Variants in SGCB observed in about 807,000 individuals in gnomAD.
SGCB encodes sarcoglycan beta.
SGCB carries 25 observed loss-of-function variants against 27.3 expected under a neutral mutation model. The observed-to-expected ratio is 0.92, with a 90% confidence interval of 0.67 to 1.28. The LOEUF is 1.28. Among genes scored for constraint, SGCB ranks in the 50% most tolerant of loss-of-function variants. The pLI is 0.00. For synonymous variants in SGCB, 147 were observed against 133.5 expected (o/e 1.10, Z -0.70); for missense variants, 436 against 402.1 (o/e 1.08, Z -0.72).
chr4:52,023,921 C>A lies in SGCB; in HGVS notation c.*36G>T. The A allele has an allele frequency of 6.4e-7, 1 of 1,561,500 alleles. No individual in the cohort carries two copies. The highest frequency in any genetic ancestry group is 1.1e-5 in the South Asian group (1 of 89,898). On this transcript the variant is annotated 3_prime_UTR_variant, in exon 6 of 6. Coordinates refer to ENST00000381431, the MANE Select transcript of SGCB (RefSeq NM_000232.5). ...ATTTGCATGCATAAAAAAGTCAAGT[C>A]AAGATATAAACATGTTGGTGACCTC...
intron 2 of SGCB, among the ~76,000 whole-genome samples, chr4:52,031,683 AT>A (rs1001308557): frequency 1.3e-5 from 2 of 150,808 alleles, no homozygotes; most frequent in African/African-American, 4.9e-5. Flanking sequence ...ATGAGTTTCT[AT>A]TTTTTCCATG....
intron 5 of SGCB, among the ~76,000 whole-genome samples, chr4:52,025,493 CTA>C (rs1578123902): frequency 6.6e-6 from 1 of 152,118 alleles, no homozygotes; most frequent in African/African-American, 2.4e-5. Flanking sequence ...CCAGGGACAG[CTA>C]TGAGGCCAGT....
chr4:52,028,646 C>T, intron 4 of SGCB, 84 bp downstream of exon 4: 1 of 1,053,670 alleles, frequency 9.5e-7, no homozygotes, highest in Non-Finnish European at 1.4e-6. Context: ...AAAAAAAAAA[C>T]AACAACAGTA....
chr4:52,026,754 T>C (rs959735407), intron 5 of SGCB, among the ~76,000 whole-genome samples: 1 of 152,206 alleles, frequency 6.6e-6, no homozygotes, highest in Non-Finnish European at 1.5e-5. Flanking sequence ...AGTATTTAAA[T>C]ATTTGTCATA....
intron 2 of SGCB, 79 bp downstream of exon 2, chr4:52,033,352 A>C: frequency 1.1e-6 from 1 of 902,284 alleles, no homozygotes; most frequent in South Asian, 1.4e-5. Flanking sequence ...AAAGGAGAAA[A>C]TAAAGTCTAT....
At chr4:52,033,668 C>CA in intron 1 of SGCB, 28 bp from the exon 2 acceptor site, 1 of 1,527,954 alleles carries the variant, frequency 6.5e-7, no homozygotes, top group Non-Finnish European at 9.1e-7. Context: ...CATAATGGAA[C>CA]AGCTATACCC....
intron 2 of SGCB, among the ~76,000 whole-genome samples, chr4:52,032,298 C>T (rs755358753): frequency 1.2e-4 from 19 of 152,268 alleles, no homozygotes; most frequent in African/African-American, 4.1e-4. Flanking sequence ...CTACAAGGTA[C>T]TTCCACCAAC....
chr4:52,031,330 G>GTCTA, intron 2 of SGCB, among the ~76,000 whole-genome samples: 1 of 147,510 alleles, frequency 6.8e-6, no homozygotes, highest in African/African-American at 2.6e-5. Flanking sequence ...AATGTCTTCT[G>GTCTA]TCTATCTACC....
chr4:52,037,926 C>A (rs961561580), intron 1 of SGCB, among the ~76,000 whole-genome samples: 2 of 152,168 alleles, frequency 1.3e-5, no homozygotes, highest in Admixed American at 6.5e-5. Context: ...CCAGCGCAGG[C>A]TTCCAGGCTG....
At chr4:52,028,623 G>GA in intron 4 of SGCB, 107 bp downstream of exon 4, 1 of 881,878 alleles carries the variant, frequency 1.1e-6, no homozygotes, top group Non-Finnish European at 1.8e-6. Context: ...GCGACAGAGC[G>GA]AAACTCCGTC....
Position 52,028,851 on chromosome 4 carries a change from C to T in SGCB, c.500G>A (p.Gly167Asp). The change falls in exon 4 of 6, where the codon GGC becomes GAC. Residue 167 changes from glycine (G) to aspartate (D), a missense_variant. Transcript: ENST00000381431. ...NNKTSITSDI[G>D]MQFFDPRTQN... Reference sequence around the variant, plus strand: ...AGTCCTCGGGTCAAAAAACTGCATGCCGATGTCACTTGTAATAGAAGTTTT... The same window carrying T: ...AGTCCTCGGGTCAAAAAACTGCATGTCGATGTCACTTGTAATAGAAGTTTT... 2 of 1,613,614 alleles carry T rather than the reference C, an allele frequency of 1.2e-6. No individual in the cohort carries two copies. The highest frequency in any genetic ancestry group is 1.7e-6 in the Non-Finnish European group (2 of 1,179,610).
At chr4:52,026,250 GTTTTTTTTTT>G (rs71193050) in intron 5 of SGCB, among the ~76,000 whole-genome samples, 3 of 101,646 alleles carry the variant, frequency 3.0e-5, no homozygotes, top group Non-Finnish European at 6.2e-5. Context: ...TTTGTTGTTG[GTTTTTTTTTT>G]TTTTTTTTTT....
intron 3 of SGCB, among the ~76,000 whole-genome samples, 158 bp downstream of exon 3, chr4:52,029,520 G>A (rs1560567591): frequency 6.6e-6 from 1 of 151,888 alleles, no homozygotes; most frequent in South Asian, 2.1e-4. Context: ...GTTTTAAACT[G>A]TATTCACTAT....
intron 1 of SGCB, among the ~76,000 whole-genome samples, chr4:52,035,948 G>A (rs986210656): frequency 2.6e-5 from 4 of 152,164 alleles, no homozygotes; most frequent in African/African-American, 9.7e-5. Flanking sequence ...TCATCTTGAT[G>A]CATTTAACAT....
At chr4:52,034,624 T>C (rs574404702) in intron 1 of SGCB, among the ~76,000 whole-genome samples, 78 of 152,088 alleles carry the variant, frequency 5.1e-4, no homozygotes, top group African/African-American at 1.7e-3. Flanking sequence ...CAATCCCCCA[T>C]AGATATTGAG....
chr4:52,036,250 AG>A (rs1384544321), intron 1 of SGCB, among the ~76,000 whole-genome samples: 1 of 152,222 alleles, frequency 6.6e-6, no homozygotes, highest in African/African-American at 2.4e-5. Flanking sequence ...AGAGCTAAGA[AG>A]GTCACTCTAG....
intron 1 of SGCB, among the ~76,000 whole-genome samples, chr4:52,037,243 T>C (rs2064976027): frequency 6.6e-6 from 1 of 152,204 alleles, no homozygotes; most frequent in South Asian, 2.1e-4. Flanking sequence ...CTTTAGCTGA[T>C]TTTTTCTGCA....
chr4:52,031,382 C>A (rs1737240350), intron 2 of SGCB, among the ~76,000 whole-genome samples: 1 of 149,588 alleles, frequency 6.7e-6, no homozygotes. Context: ...ACCCACCCAC[C>A]CATTCATCTC....
chr4:52,027,129 A>G (rs1737119520), intron 5 of SGCB, among the ~76,000 whole-genome samples: 1 of 152,184 alleles, frequency 6.6e-6, no homozygotes. Context: ...TTTAATAAGA[A>G]AGAATGATAA....
Sources: allele counts gnomAD v4.1 joint callset (sites outside exome capture counted in the v4.1 genomes callset), GRCh38; gene constraint gnomAD v4.1.1; transcripts MANE v1.5; gene names NCBI Gene and HGNC (gene_info 2026-07-23, HGNC 2026-07-21).